SLC39A11: variants seen among roughly 807,000 people sequenced by gnomAD.
SLC39A11 encodes the protein zinc transporter ZIP11.
Under a neutral mutation model 36.1 loss-of-function variants are expected in SLC39A11, and 33 were observed. The observed-to-expected ratio is 0.91, with a 90% CI of 0.69 to 1.22. The LOEUF is 1.22. Ranked by LOEUF, SLC39A11 falls within the 50% of genes most tolerant of loss-of-function variation. SLC39A11 has a pLI of 0.00. For synonymous variants in SLC39A11, 166 were observed against 170.3 expected (o/e 0.97, Z 0.20); for missense variants, 432 against 430.3 (o/e 1.00, Z -0.03).
At chr17:72,729,445 A>AT (rs2074111781) in intron 7 of SLC39A11, among the ~76,000 whole-genome samples, 1 of 3,162 alleles carries the variant, frequency 3.2e-4, no homozygotes, top group African/African-American at 1.3e-3. Context: ...ATATATATAT[A>AT]TATATATATA....
chr17:72,989,902 C>T lies in SLC39A11; in HGVS notation c.306+41654G>A, dbSNP rs756529102. ...ATAAAATGACTGCTCTCGTTAGAGGCTCTTCAGTAAATTTCTTTTGTCTTC... is the reference window on the plus strand; with the variant it reads ...ATAAAATGACTGCTCTCGTTAGAGGTTCTTCAGTAAATTTCTTTTGTCTTC... On this transcript the variant is annotated intron_variant, in intron 4 of 9. Coordinates refer to ENST00000255559, the MANE Select transcript of SLC39A11 (RefSeq NM_139177.4). 5.9e-5 allele frequency among the ~76,000 whole-genome samples: 9 copies of T among 152,282 alleles called. No individual in the cohort carries two copies. The Middle Eastern group carries it at 0.01, about 173-fold the overall frequency.
intron 5 of SLC39A11, among the ~76,000 whole-genome samples, chr17:72,901,339 G>A (rs911579489): frequency 2.0e-5 from 3 of 152,240 alleles, no homozygotes; most frequent in Non-Finnish European, 4.4e-5. Context: ...GTGTGGCTCA[G>A]TGTTAAATCC....
At chr17:72,794,056 C>G (rs963575793) in intron 6 of SLC39A11, among the ~76,000 whole-genome samples, 2 of 152,188 alleles carry the variant, frequency 1.3e-5, no homozygotes, top group African/African-American at 2.4e-5. Context: ...TTGTTAGCAT[C>G]AGGCTCTGCC....
At chr17:72,934,985 T>C (rs1173978491) in intron 5 of SLC39A11, among the ~76,000 whole-genome samples, 2 of 152,170 alleles carry the variant, frequency 1.3e-5, no homozygotes, top group South Asian at 4.1e-4. Flanking sequence ...AGGTTTCCTA[T>C]CACATGACCC....
chr17:72,668,609 G>A (rs56066519), intron 7 of SLC39A11, among the ~76,000 whole-genome samples: 34,196 of 152,142 alleles, frequency 0.22, 3,942 homozygotes, highest in Middle Eastern at 0.27. Flanking sequence ...AAAGTGAGGA[G>A]AGAGAGCACA....
chr17:72,896,897 A>G (rs538946858), intron 5 of SLC39A11, among the ~76,000 whole-genome samples: 1 of 151,970 alleles, frequency 6.6e-6, no homozygotes, highest in African/African-American at 2.4e-5. Context: ...TACTAAAAAT[A>G]CAAAAATTAG....
chr17:73,022,584 A>G (rs2058388003), intron 4 of SLC39A11, among the ~76,000 whole-genome samples: 1 of 143,988 alleles, frequency 6.9e-6, no homozygotes, highest in Non-Finnish European at 1.5e-5. Flanking sequence ...GACAAGAGCA[A>G]AACTCCATCT....
intron 7 of SLC39A11, among the ~76,000 whole-genome samples, chr17:72,688,785 G>A (rs1203960333): frequency 6.6e-6 from 1 of 152,204 alleles, no homozygotes; most frequent in Non-Finnish European, 1.5e-5. Flanking sequence ...CCAAATTGCT[G>A]TCTCTGATGT....
chr17:72,704,078 CG>C (rs2072777739), intron 7 of SLC39A11, among the ~76,000 whole-genome samples: 1 of 152,140 alleles, frequency 6.6e-6, no homozygotes. Flanking sequence ...CAGTGAGCTG[CG>C]ATCATGCCAC....
At chr17:72,757,916 C>T (rs1046207261) in intron 6 of SLC39A11, among the ~76,000 whole-genome samples, 2 of 152,118 alleles carry the variant, frequency 1.3e-5, no homozygotes, top group African/African-American at 4.8e-5. Flanking sequence ...GATAGAGTCT[C>T]ACTCTGTCTC....
At chr17:72,716,569 G>GAA (rs11377152) in intron 7 of SLC39A11, among the ~76,000 whole-genome samples, 10,832 of 148,172 alleles carry the variant, frequency 0.073, 446 homozygotes, top group Middle Eastern at 0.13. Context: ...AGAGTATAAG[G>GAA]AAAAAAAAAA....
intron 5 of SLC39A11, among the ~76,000 whole-genome samples, chr17:72,923,648 A>AG (rs1358714627): frequency 6.6e-6 from 1 of 152,196 alleles, no homozygotes; most frequent in Non-Finnish European, 1.5e-5. Flanking sequence ...GTGTAGCTTT[A>AG]GGTGACAAGG....
chr17:73,035,282 A>G lies in SLC39A11; in HGVS notation c.148-3568T>C, dbSNP rs183540178. Among the ~76,000 whole-genome samples, 4 of 152,308 alleles carry G rather than the reference A, an allele frequency of 2.6e-5. No individual in the cohort carries two copies. In the East Asian group the frequency reaches 7.7e-4, roughly 29 times the overall value. On this transcript the variant is annotated intron_variant, in intron 3 of 9. Transcript: ENST00000255559. ...CAGCTTCCCAAGGAGCTGGGATTAC[A>G]GGCATGAGCCACCACGCCCAGCTAA...
At chr17:72,795,953 G>A (rs1198581748) in intron 6 of SLC39A11, among the ~76,000 whole-genome samples, 1 of 152,152 alleles carries the variant, frequency 6.6e-6, no homozygotes, top group Non-Finnish European at 1.5e-5. Context: ...ACAAATGAAA[G>A]AGGGAAGAAT....
chr17:72,841,723 T>C (rs2078819688), intron 6 of SLC39A11, among the ~76,000 whole-genome samples: 1 of 152,114 alleles, frequency 6.6e-6, no homozygotes, highest in Admixed American at 6.5e-5. Flanking sequence ...ACACAGAGGA[T>C]AAATGCTTAA....
chr17:73,002,810 C>T (rs560877148), intron 4 of SLC39A11, among the ~76,000 whole-genome samples: 4 of 152,316 alleles, frequency 2.6e-5, no homozygotes, highest in East Asian at 1.9e-4. Context: ...GGGCCATGCT[C>T]CCTCTGGAGG....
chr17:72,729,441 ATATATATATATATATATTTTTTTTTT>A (rs2074108354), intron 7 of SLC39A11, among the ~76,000 whole-genome samples: 3 of 2,238 alleles, frequency 1.3e-3, no homozygotes, highest in African/African-American at 4.6e-3. Flanking sequence ...ATATATATAT[ATATATATATATATATATTTTTTTTTT>A]TTTTTTTTTT....
At chr17:73,070,340 T>C (rs1240995982) in intron 3 of SLC39A11, among the ~76,000 whole-genome samples, 1 of 152,142 alleles carries the variant, frequency 6.6e-6, no homozygotes, top group East Asian at 1.9e-4. Context: ...GAGCCTTCCA[T>C]AGACAGGGCT....
At chr17:72,958,593 G>A (rs567713940) in intron 4 of SLC39A11, among the ~76,000 whole-genome samples, 2 of 152,220 alleles carry the variant, frequency 1.3e-5, no homozygotes, top group Non-Finnish European at 2.9e-5. Context: ...GCTCACACCT[G>A]TAATCCCAGC....
Sources: gnomAD v4.1 joint callset for allele counts (sites outside exome capture counted in the v4.1 genomes callset) on GRCh38, gnomAD v4.1.1 for gene constraint, MANE v1.5 for transcripts, NCBI Gene and HGNC (gene_info 2026-07-23, HGNC 2026-07-21) for gene names.